The following SHISAL1 variants were observed in gnomAD, a reference collection of about 807,000 sequenced individuals.
SHISAL1 encodes the protein shisa like 1.
A neutral mutation model predicts 22.6 loss-of-function variants in SHISAL1; 9 were observed. The ratio of observed to expected loss-of-function variants is 0.40; its 90% CI spans 0.24 to 0.70. The LOEUF (loss-of-function observed/expected upper bound fraction) is 0.70, where lower values mean the gene tolerates loss of function less well. Ranked by LOEUF, SHISAL1 falls within the 30% of genes least tolerant of loss-of-function variation. The pLI, the probability that SHISAL1 is intolerant of heterozygous loss-of-function variation, is 0.39. For synonymous variants in SHISAL1, 119 were observed against 115.4 expected (o/e 1.03, Z -0.20); for missense variants, 246 against 270.6 (o/e 0.91, Z 0.64).
At chr22:44,283,595 A>C (rs56680363) in intron 4 of SHISAL1, among the ~76,000 whole-genome samples, 5,337 of 152,228 alleles carry the variant, frequency 0.035, 331 homozygotes, top group African/African-American at 0.12. Flanking sequence ...GGAAAACAGC[A>C]CCCAGGTGCT....
In SHISAL1 at chr22:44,310,522, C is replaced by A. The variant is rs1214223637; in HGVS notation, c.-33+2229G>T. 6.6e-6 allele frequency among the ~76,000 whole-genome samples: 1 copy of A among 152,166 alleles called. No individual in the cohort carries two copies. Among genetic ancestry groups the A allele is most frequent in the African/African-American group, 2.4e-5 (1 of 41,440 alleles). ...CAAGTTACTTCACGGGCTTCAGCTT[C>A]CTCATCTGTGAAACGGGAGCCGTGC... is the stretch of plus-strand genomic sequence containing the variant. On this transcript the variant is annotated intron_variant, in intron 1 of 4. Coordinates refer to ENST00000381176, the MANE Select transcript of SHISAL1 (RefSeq NM_001099294.2). This position sits in a 1 kb window ranked among gnomAD's most constrained non-coding sequence, Gnocchi z 4.0.
chr22:44,282,271 G>A (rs985391645), intron 4 of SHISAL1, among the ~76,000 whole-genome samples: 2 of 152,230 alleles, frequency 1.3e-5, no homozygotes, highest in African/African-American at 2.4e-5. Context: ...GGGCCCTCCC[G>A]CTGCAGCAGC....
At position 44,245,568 on chromosome 22, in the gene SHISAL1, A is replaced by C. The variant is rs1214735143; in HGVS notation, c.*4117T>G. ...CGTCTCCTTGAATGGCACAGTCTCT[A>C]ATAGACAGACATGGTGATTGTGAAA... On this transcript the variant is annotated 3_prime_UTR_variant, in exon 5 of 5. Coordinates refer to ENST00000381176, the MANE Select transcript of SHISAL1 (RefSeq NM_001099294.2). 6.6e-6 allele frequency: 1 copy of C among 152,322 alleles called. No homozygotes were observed. The highest frequency in any genetic ancestry group is 1.5e-5 in the Non-Finnish European group (1 of 68,112). The allele number at this position is 152,322 out of a possible 1,614,324, so 9.4% of individuals were successfully genotyped here.
chr22:44,308,743 T>C (rs1041342082), intron 1 of SHISAL1, among the ~76,000 whole-genome samples: 1 of 152,062 alleles, frequency 6.6e-6, no homozygotes, highest in Non-Finnish European at 1.5e-5. Context: ...AACTTGAGAG[T>C]GAGCTGGGAG....
intron 3 of SHISAL1, among the ~76,000 whole-genome samples, chr22:44,288,038 G>GA (rs1311423198): frequency 1.3e-5 from 2 of 152,096 alleles, no homozygotes; most frequent in Non-Finnish European, 2.9e-5. Context: ...GCTGGGCCTC[G>GA]AACCACTGGG....
upstream of SHISAL1, among the ~76,000 whole-genome samples, chr22:44,314,094 C>T (rs556080677): frequency 1.3e-5 from 2 of 151,388 alleles, no homozygotes; most frequent in South Asian, 2.1e-4. Context: ...TTTACAGATG[C>T]GGAAACTGAG....
rs139596818 is a variant in SHISAL1, at chr22:44,250,958, C to T, written c.*-1273G>A. ...CCAAGAGGCAGAACCTACTCTCCACCCTTTGCATTAGTGGGAATGTGTACA... is the reference window on the plus strand; with the variant it reads ...CCAAGAGGCAGAACCTACTCTCCACTCTTTGCATTAGTGGGAATGTGTACA... On this transcript the variant is annotated intron_variant, in intron 4 of 4. Coordinates refer to ENST00000381176, the MANE Select transcript of SHISAL1 (RefSeq NM_001099294.2). Among the ~76,000 whole-genome samples the T allele has an allele frequency of 4.5e-3, 680 of 152,340 alleles. 3 individuals are homozygous for T. The highest frequency in any genetic ancestry group is 6.8e-3 in the Non-Finnish European group (464 of 68,036).
chr22:44,270,785 C>A (rs1316670844), intron 4 of SHISAL1, among the ~76,000 whole-genome samples: 1 of 152,200 alleles, frequency 6.6e-6, no homozygotes, highest in African/African-American at 2.4e-5. Flanking sequence ...AGACCACCAG[C>A]ACCACTGACG....
chr22:44,257,341 C>T (rs1447488977), intron 4 of SHISAL1, among the ~76,000 whole-genome samples: 1 of 152,168 alleles, frequency 6.6e-6, no homozygotes. Flanking sequence ...ACAACAGCTC[C>T]CACACAATGG....
At chr22:44,257,319 G>T (rs2055091324) in intron 4 of SHISAL1, among the ~76,000 whole-genome samples, 1 of 152,212 alleles carries the variant, frequency 6.6e-6, no homozygotes, top group South Asian at 2.1e-4. Context: ...TCAGCAGGAT[G>T]CCAGGTCAAA....
chr22:44,298,330 T>C (rs1470627085), intron 2 of SHISAL1, among the ~76,000 whole-genome samples: 1 of 152,256 alleles, frequency 6.6e-6, no homozygotes, highest in East Asian at 1.9e-4. Flanking sequence ...GTGTGGCCCC[T>C]GATCGGCCTC....
chr22:44,299,902 A>G (rs549798907), intron 2 of SHISAL1, among the ~76,000 whole-genome samples: 1 of 148,450 alleles, frequency 6.7e-6, no homozygotes, highest in East Asian at 1.9e-4. Flanking sequence ...ACAGAGAGAC[A>G]GAGACAGAGA....
In SHISAL1 at chr22:44,275,061, G is replaced by T. The variant is rs184240606; in HGVS notation, c.599+10367C>A. ...AGACTATGCAGCTCACCCCTCTGCGGGTTTGCTAGAGTACAGCTAGGTTTT... is the reference window on the plus strand; with the variant it reads ...AGACTATGCAGCTCACCCCTCTGCGTGTTTGCTAGAGTACAGCTAGGTTTT... On this transcript the variant is annotated intron_variant, in intron 4 of 4. Transcript: ENST00000381176. Among the ~76,000 whole-genome samples, 19 of 152,324 alleles carry T rather than the reference G, an allele frequency of 1.2e-4. 1 individual carries two copies. In the East Asian group the frequency reaches 3.7e-3, roughly 29 times the overall value.
chr22:44,280,867 G>A (rs946419701), intron 4 of SHISAL1, among the ~76,000 whole-genome samples: 3 of 152,150 alleles, frequency 2.0e-5, no homozygotes, highest in African/African-American at 7.2e-5. Context: ...GGCCAGGTGG[G>A]TGTGTCTGAC....
intron 4 of SHISAL1, among the ~76,000 whole-genome samples, chr22:44,279,080 T>A (rs533754181): frequency 1.3e-5 from 2 of 152,326 alleles, no homozygotes; most frequent in South Asian, 4.1e-4. Context: ...TGAGCCTTTC[T>A]GTCACCACCC....
the SHISAL1 span, among the ~76,000 whole-genome samples, chr22:44,329,548 A>G: frequency 6.6e-6 from 1 of 152,206 alleles, no homozygotes; most frequent in South Asian, 2.1e-4. Context: ...CCAGGAACGC[A>G]GCGTGAAGAT....
intron 4 of SHISAL1, among the ~76,000 whole-genome samples, chr22:44,272,203 C>T (rs188810488): frequency 1.3e-5 from 2 of 152,298 alleles, no homozygotes; most frequent in Admixed American, 1.3e-4. Flanking sequence ...GCACCCTGGG[C>T]CCAGAGACAC....
chr22:44,283,025 T>C (rs951661819), intron 4 of SHISAL1, among the ~76,000 whole-genome samples: 1 of 152,188 alleles, frequency 6.6e-6, no homozygotes, highest in Non-Finnish European at 1.5e-5. Context: ...GGCTCCTCCC[T>C]GATCTCCAAA....
intron 4 of SHISAL1, among the ~76,000 whole-genome samples, chr22:44,265,073 T>C (rs1465988421): frequency 1.3e-5 from 2 of 152,286 alleles, no homozygotes; most frequent in Admixed American, 6.5e-5. Context: ...ATCTGTAAAA[T>C]GCGGCTGCTC....
Sources: gnomAD v4.1 joint callset for allele counts (sites outside exome capture counted in the v4.1 genomes callset) on GRCh38, gnomAD v4.1.1 for gene constraint, Gnocchi (gnomAD v3.1) non-coding constraint, MANE v1.5 for transcripts, NCBI Gene and HGNC (gene_info 2026-07-23, HGNC 2026-07-21) for gene names.